PAM: variants seen among roughly 807,000 people sequenced by gnomAD.
PAM encodes the protein peptidylglycine alpha-amidating monooxygenase.
A neutral mutation model predicts 122.1 loss-of-function variants in PAM; 72 were observed. The ratio of observed to expected loss-of-function variants is 0.59; its 90% CI spans 0.49 to 0.72. PAM has a LOEUF of 0.72. Ranked by LOEUF, PAM falls within the 30% of genes least tolerant of loss-of-function variation. The pLI is 0.00. For missense variants in PAM, 1,106 were observed against 1,183.7 expected (o/e 0.93, Z 0.96); for synonymous variants, 389 against 404.4 (o/e 0.96, Z 0.46).
chr5:102,763,922 G>A (rs1049904498), intron 1 of PAM, among the ~76,000 whole-genome samples: 5 of 152,156 alleles, frequency 3.3e-5, no homozygotes, highest in African/African-American at 4.8e-5. Context: ...AAGATCATCT[G>A]TGGGGGCGTG....
At chr5:102,850,455 T>C (rs115538134) in intron 1 of PAM, among the ~76,000 whole-genome samples, 18 of 152,206 alleles carry the variant, frequency 1.2e-4, no homozygotes, top group African/African-American at 4.3e-4. Flanking sequence ...CATGTAAATA[T>C]TTGAGTAATT....
chr5:102,823,460 C>T (rs1437451287), intron 1 of PAM, among the ~76,000 whole-genome samples: 1 of 151,942 alleles, frequency 6.6e-6, no homozygotes, highest in African/African-American at 2.4e-5. Flanking sequence ...AAATATGTGA[C>T]CATCACATAT....
At chr5:102,923,588 T>C (rs1267107338) in intron 5 of PAM, among the ~76,000 whole-genome samples, 2 of 152,288 alleles carry the variant, frequency 1.3e-5, no homozygotes, top group East Asian at 1.9e-4. Context: ...AATTCAATAA[T>C]AGAAAAAGCT....
chr5:102,854,278 A>G (rs567175021), intron 1 of PAM, among the ~76,000 whole-genome samples: 1 of 152,324 alleles, frequency 6.6e-6, no homozygotes, highest in East Asian at 1.9e-4. Context: ...CGTCATTATA[A>G]TATATAGTTC....
intron 1 of PAM, among the ~76,000 whole-genome samples, chr5:102,800,627 C>T (rs1764450230): frequency 6.6e-6 from 1 of 152,156 alleles, no homozygotes; most frequent in Non-Finnish European, 1.5e-5. Flanking sequence ...CACTGTGCAA[C>T]ATTGCTTCCT....
chr5:102,849,648 T>C (rs141869212), intron 1 of PAM, among the ~76,000 whole-genome samples: 1 of 152,116 alleles, frequency 6.6e-6, no homozygotes, highest in Admixed American at 6.5e-5. Flanking sequence ...GCATTAGTTA[T>C]ATAGTTTAGC....
intron 14 of PAM, 67 bp downstream of exon 14, chr5:102,961,296 T>C: frequency 3.6e-6 from 3 of 829,896 alleles, no homozygotes; most frequent in Non-Finnish European, 6.3e-6. Context: ...AACCAAATTG[T>C]AAAGTTACTG....
intron 5 of PAM, 145 bp from the exon 6 acceptor site, chr5:102,924,812 G>T: frequency 3.6e-6 from 2 of 549,524 alleles, no homozygotes; most frequent in Non-Finnish European, 6.6e-6. Flanking sequence ...GTCTTTATTC[G>T]GATCTTAAAG....
chr5:102,910,507 C>T (rs1801075708), intron 4 of PAM, among the ~76,000 whole-genome samples: 1 of 151,856 alleles, frequency 6.6e-6, no homozygotes, highest in Admixed American at 6.6e-5. Flanking sequence ...AAAATGTTCG[C>T]TGATCTCATA....
chr5:102,965,192 C>A (rs998778878), intron 14 of PAM, among the ~76,000 whole-genome samples: 6 of 151,466 alleles, frequency 4.0e-5, no homozygotes, highest in Non-Finnish European at 7.4e-5. Flanking sequence ...CACACACACA[C>A]ACACACCTCA....
At chr5:102,817,144 T>C (rs1042876476) in intron 1 of PAM, among the ~76,000 whole-genome samples, 1 of 152,196 alleles carries the variant, frequency 6.6e-6, no homozygotes, top group Non-Finnish European at 1.5e-5. Context: ...TGTGAACATG[T>C]TTTATATACT....
At position 102,901,375 on chromosome 5, in the gene PAM, T is replaced by A; in HGVS notation, c.230T>A (p.Met77Lys). 1 of 1,586,968 alleles carries A rather than the reference T, an allele frequency of 6.3e-7. No individual in the cohort carries two copies. ...TPKQSDTYFC[M>K]SMRIPVDEEA... Reference sequence around the variant, plus strand: ...TAATAGTCCGATACATACTTCTGCATGTCTATGCGAATACCAGTGGATGAG... The same window carrying A: ...TAATAGTCCGATACATACTTCTGCAAGTCTATGCGAATACCAGTGGATGAG... Residue 77 changes from methionine (M) to lysine (K), a missense_variant, in exon 4 of 26, where the codon ATG (methionine) becomes AAG (lysine). Physicochemically the swap from Met to Lys is moderately conservative, Grantham distance 95. Coordinates refer to ENST00000438793, the MANE Select transcript of PAM (RefSeq NM_001177306.2).
At chr5:102,968,307 G>A (rs1050333498) in intron 14 of PAM, among the ~76,000 whole-genome samples, 2 of 152,182 alleles carry the variant, frequency 1.3e-5, no homozygotes, top group Non-Finnish European at 2.9e-5. Context: ...ATCCAGTCTA[G>A]TGAGCAGTTT....
rs567394076 is a variant in PAM, at chr5:102,908,734, AT to A, written c.269-5199del. Among the ~76,000 whole-genome samples, 479 of 151,794 alleles carry A rather than the reference AT, an allele frequency of 3.2e-3. 3 individuals are homozygous for A. The highest frequency in any genetic ancestry group is 0.011 in the African/African-American group (442 of 41,444). On this transcript the variant is annotated intron_variant, in intron 4 of 25. Transcript: ENST00000438793. ...AAGTATAATAATAAAAGAAAAAAAA[AT>A]AATAAATAAATAAATAGTCTTTGCC...
At chr5:102,977,707 A>G (rs1389523237) in intron 15 of PAM, among the ~76,000 whole-genome samples, 2 of 149,944 alleles carry the variant, frequency 1.3e-5, no homozygotes, top group Admixed American at 6.7e-5. Context: ...CACAAAATAC[A>G]GCTTCCCCAA....
At chr5:102,764,482 G>A (rs1753306051) in intron 1 of PAM, among the ~76,000 whole-genome samples, 1 of 151,958 alleles carries the variant, frequency 6.6e-6, no homozygotes, top group Non-Finnish European at 1.5e-5. Flanking sequence ...ACGAAGCAGC[G>A]GTAACAGGTA....
At chr5:102,946,027 C>A (rs1363837994) in intron 7 of PAM, among the ~76,000 whole-genome samples, 1 of 152,110 alleles carries the variant, frequency 6.6e-6, no homozygotes, top group Non-Finnish European at 1.5e-5. Flanking sequence ...GCAAAACTAG[C>A]TGAAGTTTCT....
chr5:103,014,977 ATCCT>A (rs1245360608), intron 21 of PAM, among the ~76,000 whole-genome samples: 3 of 152,182 alleles, frequency 2.0e-5, no homozygotes, highest in Non-Finnish European at 2.9e-5. Context: ...AATGATCCCC[ATCCT>A]TCCATACCAA....
chr5:102,883,722 T>A (rs1356834665), intron 3 of PAM, among the ~76,000 whole-genome samples: 3 of 151,998 alleles, frequency 2.0e-5, no homozygotes, highest in Non-Finnish European at 4.4e-5. Flanking sequence ...TTTGTCTAAT[T>A]GCTCTGATTA....
Sources: gnomAD v4.1 joint callset for allele counts (sites outside exome capture counted in the v4.1 genomes callset) on GRCh38, gnomAD v4.1.1 for gene constraint, MANE v1.5 for transcripts, NCBI Gene and HGNC (gene_info 2026-07-23, HGNC 2026-07-21) for gene names.